The following ST8SIA4 variants were observed in gnomAD, a reference collection of about 807,000 sequenced individuals.
ST8SIA4 encodes ST8 alpha-N-acetyl-neuraminide alpha-2,8-sialyltransferase 4.
In ST8SIA4, 15 loss-of-function variants were observed where a neutral mutation model predicts 33.9. The observed-to-expected ratio is 0.44, with a 90% CI of 0.30 to 0.68. The LOEUF is 0.68. Ranked by LOEUF, ST8SIA4 falls within the 30% of genes least tolerant of loss-of-function variation. ST8SIA4 has a pLI of 0.10. For synonymous variants in ST8SIA4, 171 were observed against 151.2 expected, an observed-to-expected ratio of 1.13 and a Z score of -0.96; for missense variants, 321 against 428.0, an observed-to-expected ratio of 0.75 and a Z score of 2.21.
chr5:100,872,799 C>T (rs1250228159), intron 3 of ST8SIA4, among the ~76,000 whole-genome samples: 2 of 150,536 alleles, frequency 1.3e-5, no homozygotes, highest in African/African-American at 2.5e-5. Flanking sequence ...ATTGACTAAA[C>T]TGTCTAACTG....
chr5:100,849,926 A>G (rs1056527535), intron 4 of ST8SIA4, among the ~76,000 whole-genome samples: 7 of 152,238 alleles, frequency 4.6e-5, no homozygotes, highest in African/African-American at 1.7e-4. Flanking sequence ...AAGGCAGTTT[A>G]TGTAGCCCAT....
At chr5:100,834,324 A>G (rs910996010) in intron 4 of ST8SIA4, among the ~76,000 whole-genome samples, 1 of 152,202 alleles carries the variant, frequency 6.6e-6, no homozygotes, top group Non-Finnish European at 1.5e-5. Flanking sequence ...AACTTTAAAT[A>G]TTAAGCACAG....
At chr5:100,896,198 T>C (rs1035099780) in intron 1 of ST8SIA4, among the ~76,000 whole-genome samples, 5 of 152,028 alleles carry the variant, frequency 3.3e-5, no homozygotes, top group African/African-American at 1.2e-4. Context: ...AGAAATAATA[T>C]AACTGTCCAT....
At chr5:100,834,802 T>A (rs528375074) in intron 4 of ST8SIA4, among the ~76,000 whole-genome samples, 1 of 152,174 alleles carries the variant, frequency 6.6e-6, no homozygotes, top group East Asian at 1.9e-4. Flanking sequence ...CACTTTGCCT[T>A]TTGTCATGAT....
intron 4 of ST8SIA4, among the ~76,000 whole-genome samples, chr5:100,813,036 A>G (rs1750846035): frequency 2.6e-5 from 4 of 152,080 alleles, no homozygotes; most frequent in South Asian, 2.1e-4. Flanking sequence ...TTGTTTTTCT[A>G]TCGTCTTCTA....
At chr5:100,867,320 A>G (rs184663494) in intron 3 of ST8SIA4, among the ~76,000 whole-genome samples, 1 of 152,092 alleles carries the variant, frequency 6.6e-6, no homozygotes, top group Admixed American at 6.6e-5. Flanking sequence ...ATCCTGACAC[A>G]TTCTTGCCAA....
At chr5:100,885,398 T>A (rs1263086170) in intron 3 of ST8SIA4, 10 of 954,202 alleles carry the variant, frequency 1.0e-5, no homozygotes, top group South Asian at 4.8e-5. Flanking sequence ...ACTTTTTTTT[T>A]AAAAGTAGTT....
intron 4 of ST8SIA4, chr5:100,816,594 T>C (rs1350616497): frequency 4.0e-6 from 2 of 502,100 alleles, no homozygotes; most frequent in East Asian, 5.8e-5. Flanking sequence ...TAAAATGTTA[T>C]TCTTCTTCCA....
intron 1 of ST8SIA4, among the ~76,000 whole-genome samples, chr5:100,902,200 A>T (rs1752933828): frequency 6.6e-6 from 1 of 152,214 alleles, no homozygotes. Flanking sequence ...AACTAAAAAA[A>T]ATAGCAGAAA....
intron 3 of ST8SIA4, among the ~76,000 whole-genome samples, chr5:100,869,105 C>T (rs1013152233): frequency 3.3e-5 from 5 of 152,074 alleles, no homozygotes. Flanking sequence ...CCTCAAAAGT[C>T]GAAACTTGCT....
chr5:100,837,236 T>C (rs1751382747), intron 4 of ST8SIA4, among the ~76,000 whole-genome samples: 1 of 151,962 alleles, frequency 6.6e-6, no homozygotes, highest in African/African-American at 2.4e-5. Flanking sequence ...AGACTCCACT[T>C]TAGGGATTAT....
chr5:100,848,764 T>TA (rs926694145), intron 4 of ST8SIA4, among the ~76,000 whole-genome samples: 15 of 150,788 alleles, frequency 9.9e-5, no homozygotes, highest in Admixed American at 2.0e-4. Context: ...TACGCATTTT[T>TA]AAAAAAATTA....
intron 4 of ST8SIA4, among the ~76,000 whole-genome samples, chr5:100,824,470 A>G (rs1018880385): frequency 2.0e-5 from 3 of 152,152 alleles, no homozygotes; most frequent in African/African-American, 4.8e-5. Context: ...TTTCTTTGGA[A>G]GAAGGCTATG....
intron 3 of ST8SIA4, among the ~76,000 whole-genome samples, chr5:100,865,372 G>A (rs868687942): frequency 1.1e-4 from 16 of 152,180 alleles, no homozygotes; most frequent in Admixed American, 1.3e-4. Context: ...TGATCACTCC[G>A]TATTATTAAT....
In ST8SIA4 at chr5:100,886,620, AAAGTTTT is replaced by A. The variant is rs1455466081; in HGVS notation, c.246-27_246-21del. 1 of 1,586,686 alleles carries A rather than the reference AAAGTTTT, an allele frequency of 6.3e-7. No individual in the cohort carries two copies. Among genetic ancestry groups the A allele is most frequent in the Admixed American group, 1.7e-5 (1 of 59,786 alleles). ...TTCTTCCTGTATTTGAAATACAAGC[AAAGTTTT>A]ACATTACCATCAGCATATCCAAGAA... On this transcript the variant is annotated intron_variant, in intron 2 of 4. Transcript: ENST00000231461.
chr5:100,886,284 AC>A (rs1427099464), intron 3 of ST8SIA4, 58 bp downstream of exon 3: 1 of 1,568,252 alleles, frequency 6.4e-7, no homozygotes, highest in Non-Finnish European at 8.6e-7. Flanking sequence ...ACAGTTTTCC[AC>A]CCCCAAGTAA....
chr5:100,879,669 A>C (rs1192558328), intron 3 of ST8SIA4, among the ~76,000 whole-genome samples: 1 of 152,218 alleles, frequency 6.6e-6, no homozygotes, highest in Non-Finnish European at 1.5e-5. Context: ...GATACATTCT[A>C]TAAATTTGGA....
chr5:100,838,357 T>G (rs1206301458), intron 4 of ST8SIA4, among the ~76,000 whole-genome samples: 1 of 151,982 alleles, frequency 6.6e-6, no homozygotes, highest in Admixed American at 6.6e-5. Flanking sequence ...CAAGTCAAAC[T>G]GTGAGTCATG....
chr5:100,829,565 CTTG>C (rs1186239061), intron 4 of ST8SIA4, among the ~76,000 whole-genome samples: 1 of 152,050 alleles, frequency 6.6e-6, no homozygotes, highest in Non-Finnish European at 1.5e-5. Flanking sequence ...TAATAAAGTA[CTTG>C]TTGTGTATAA....
Sources: allele counts gnomAD v4.1 joint callset (sites outside exome capture counted in the v4.1 genomes callset), GRCh38; gene constraint gnomAD v4.1.1; transcripts MANE v1.5; gene names NCBI Gene and HGNC (gene_info 2026-07-23, HGNC 2026-07-21).